WASHC3: variants seen among roughly 807,000 people sequenced by gnomAD.
WASHC3 encodes the protein WASH complex subunit 3, also known as WASH complex subunit CCDC53.
In WASHC3, 24 loss-of-function variants were observed where a neutral mutation model predicts 26.1. The observed-to-expected ratio is 0.92, with a 90% CI of 0.66 to 1.29. WASHC3 has a LOEUF of 1.29. WASHC3 is among the 50% of genes most tolerant of loss of function. The probability of loss-of-function intolerance (pLI) is 0.00; values close to 1 mark genes in which losing one functional copy is unlikely to be tolerated. For missense variants in WASHC3, 214 were observed against 229.6 expected, an observed-to-expected ratio of 0.93 and a Z score of 0.44; for synonymous variants, 77 against 75.7, an observed-to-expected ratio of 1.02 and a Z score of -0.09.
At chr12:102,060,404 C>G (rs1878756423) in intron 2 of WASHC3, among the ~76,000 whole-genome samples, 1 of 152,176 alleles carries the variant, frequency 6.6e-6, no homozygotes, top group Non-Finnish European at 1.5e-5. Context: ...CTCTGCCTCC[C>G]GAGTAGCTGG....
chr12:102,042,168 G>T (rs955568078), intron 4 of WASHC3, among the ~76,000 whole-genome samples: 1 of 152,146 alleles, frequency 6.6e-6, no homozygotes, highest in Non-Finnish European at 1.5e-5. Context: ...TTTAGAAAGA[G>T]GATAGTCATA....
chr12:102,015,650 C>G (rs1045275845), intron 6 of WASHC3, among the ~76,000 whole-genome samples: 6 of 152,076 alleles, frequency 3.9e-5, no homozygotes, highest in Non-Finnish European at 7.4e-5. Context: ...CTACTATTTG[C>G]TAGAAAATGT....
At chr12:102,045,311 A>C (rs1878113426) in intron 3 of WASHC3, among the ~76,000 whole-genome samples, 1 of 152,216 alleles carries the variant, frequency 6.6e-6, no homozygotes, top group Non-Finnish European at 1.5e-5. Flanking sequence ...GTCCATAAAG[A>C]GACGTAGAAA....
In WASHC3 at chr12:102,061,753, G is replaced by A. The variant is rs151280027; in HGVS notation, c.51+159C>T. On this transcript the variant is annotated intron_variant, in intron 1 of 6. Transcript: ENST00000240079. ...CTCAGGAGGGACCCCATTTCAAGGTGGACTGTGGGGCTCTCCCTCCTGAGG... is the reference window on the plus strand; with the variant it reads ...CTCAGGAGGGACCCCATTTCAAGGTAGACTGTGGGGCTCTCCCTCCTGAGG... Among the ~76,000 whole-genome samples, 3 of 152,276 alleles carry A rather than the reference G, an allele frequency of 2.0e-5. No homozygotes were observed. The East Asian group carries it at 5.8e-4, about 30-fold the overall frequency.
At chr12:102,054,272 G>A (rs78439847) in intron 2 of WASHC3, among the ~76,000 whole-genome samples, 1,824 of 152,264 alleles carry the variant, frequency 0.012, 32 homozygotes, top group African/African-American at 0.041. Flanking sequence ...TAAATTCTCT[G>A]ATCAAAAGAC....
chr12:102,062,115 G>C, upstream of WASHC3: 1 of 614,882 alleles, frequency 1.6e-6, no homozygotes, highest in Non-Finnish European at 2.8e-6. Context: ...CTAATCACTC[G>C]GCGGCTTCCG....
rs1349010550 is a variant in WASHC3 at position 102,013,146 on chromosome 12, C to G, written c.547G>C (p.Glu183Gln). ...VPDGESEKTVEESSDSESSFS... is the reference protein window; with the variant it reads ...VPDGESEKTVQESSDSESSFS... ...GAAGATTCGCTATCTGAACTTTCTTCTACAGTTTTCTCACTTTCGCCATCA... is the reference window on the plus strand; with the variant it reads ...GAAGATTCGCTATCTGAACTTTCTTGTACAGTTTTCTCACTTTCGCCATCA... The change falls in exon 7 of 7, where the codon GAA becomes CAA. Residue 183 changes from glutamate to glutamine, a missense_variant. Physicochemically the swap from Glu to Gln is conservative, Grantham distance 29. Transcript: ENST00000240079. 2 of 1,551,818 alleles carry G rather than the reference C, an allele frequency of 1.3e-6. No individual in the cohort carries two copies. The highest frequency in any genetic ancestry group is 1.9e-5 in the Admixed American group (1 of 52,884).
chr12:102,037,975 A>C (rs1020357280), intron 5 of WASHC3, among the ~76,000 whole-genome samples: 16 of 151,892 alleles, frequency 1.1e-4, no homozygotes, highest in Non-Finnish European at 2.4e-4. Flanking sequence ...TTGTATTTTT[A>C]GTAGAGACAA....
At chr12:102,016,894 G>A (rs1278420442) in intron 6 of WASHC3, among the ~76,000 whole-genome samples, 2 of 152,150 alleles carry the variant, frequency 1.3e-5, no homozygotes, top group Non-Finnish European at 2.9e-5. Flanking sequence ...GTTATAGTAA[G>A]CTAAGGTTAA....
At chr12:102,044,300 T>C (rs1394469304) in intron 3 of WASHC3, 88 bp from the exon 4 acceptor site, 1 of 514,008 alleles carries the variant, frequency 1.9e-6, no homozygotes, top group Non-Finnish European at 3.4e-6. Context: ...GTTTTAAGGC[T>C]ATACAAATAG....
intron 6 of WASHC3, among the ~76,000 whole-genome samples, chr12:102,022,550 AG>A (rs1877003247): frequency 6.6e-6 from 1 of 152,192 alleles, no homozygotes; most frequent in African/African-American, 2.4e-5. Context: ...ACAACTAGAA[AG>A]TGGCAAGTAA....
intron 5 of WASHC3, among the ~76,000 whole-genome samples, chr12:102,030,976 AT>A (rs1438933838): frequency 1.4e-4 from 21 of 152,188 alleles, no homozygotes; most frequent in Admixed American, 3.3e-4. Flanking sequence ...GGGCAAATAC[AT>A]AATAGGCAGA....
chr12:102,023,582 T>A (rs1306254082), intron 6 of WASHC3, among the ~76,000 whole-genome samples: 1 of 152,216 alleles, frequency 6.6e-6, no homozygotes, highest in African/African-American at 2.4e-5. Context: ...AACTTTTATG[T>A]AAACATGATT....
At chr12:102,021,585 C>T (rs1394674271) in intron 6 of WASHC3, among the ~76,000 whole-genome samples, 2 of 152,214 alleles carry the variant, frequency 1.3e-5, no homozygotes, top group Non-Finnish European at 2.9e-5. Context: ...TAGCTAGTGT[C>T]TGCCAGCTAA....
intron 1 of WASHC3, 110 bp from the exon 2 acceptor site, chr12:102,061,456 T>C: frequency 2.7e-6 from 2 of 737,680 alleles, no homozygotes; most frequent in Non-Finnish European, 2.4e-6. Flanking sequence ...TATGAATTTC[T>C]TGAAGGACTG....
chr12:102,042,795 T>C (rs2136671082), intron 4 of WASHC3, among the ~76,000 whole-genome samples: 1 of 152,360 alleles, frequency 6.6e-6, no homozygotes, highest in African/African-American at 2.4e-5. Context: ...ATTCCATTTA[T>C]AAATCTGTTT....
At chr12:102,030,764 T>C (rs1027441463) in intron 5 of WASHC3, among the ~76,000 whole-genome samples, 1 of 152,192 alleles carries the variant, frequency 6.6e-6, no homozygotes, top group African/African-American at 2.4e-5. Flanking sequence ...GAGGCATATA[T>C]AGTATTACCA....
chr12:102,061,754 G>T (rs1419438299), intron 1 of WASHC3, among the ~76,000 whole-genome samples, 158 bp downstream of exon 1: 1 of 152,128 alleles, frequency 6.6e-6, no homozygotes, highest in African/African-American at 2.4e-5. Flanking sequence ...TTTCAAGGTG[G>T]ACTGTGGGGC....
At chr12:102,046,582 G>A (rs568011142) in intron 2 of WASHC3, among the ~76,000 whole-genome samples, 37 of 152,272 alleles carry the variant, frequency 2.4e-4, no homozygotes, top group Admixed American at 2.2e-3. Context: ...GTGAGCCACC[G>A]CACCCAGTCG....
Sources: allele counts gnomAD v4.1 joint callset (sites outside exome capture counted in the v4.1 genomes callset), GRCh38; gene constraint gnomAD v4.1.1; transcripts MANE v1.5; gene names NCBI Gene and HGNC (gene_info 2026-07-23, HGNC 2026-07-21).